The following ZBTB20 variants were observed in gnomAD, a reference collection of about 807,000 sequenced individuals.
The protein encoded by ZBTB20 is zinc finger and BTB domain-containing protein 20.
Under a neutral mutation model 56.9 loss-of-function variants are expected in ZBTB20, and 9 were observed. The ratio of observed to expected loss-of-function variants is 0.16; its 90% CI spans 0.10 to 0.28. ZBTB20 has a LOEUF of 0.28. ZBTB20 is among the 10% of genes least tolerant of loss of function. The probability of loss-of-function intolerance (pLI) is 1.00; values close to 1 mark genes in which losing one functional copy is unlikely to be tolerated. For synonymous variants in ZBTB20, 417 were observed against 420.7 expected, an observed-to-expected ratio of 0.99 and a Z score of 0.11; for missense variants, 655 against 1,003.0, an observed-to-expected ratio of 0.65 and a Z score of 4.69.
Position 114,330,414 on chromosome 3 carries a change from A to C in ZBTB20, c.*8591T>G, listed in dbSNP as rs1167733927. 1 of 152,218 alleles carries C rather than the reference A, an allele frequency of 6.6e-6. No individual in the cohort carries two copies. The highest frequency in any genetic ancestry group is 6.5e-5 in the Admixed American group (1 of 15,284). The allele number at this position is 152,218 out of a possible 1,614,324, so 9.4% of individuals were successfully genotyped here. A position where few individuals can be genotyped will look rare whatever the true frequency, so the allele number is the denominator to read the frequency against. On this transcript the variant is annotated 3_prime_UTR_variant, in exon 12 of 12. Transcript: ENST00000675478. The stretch of plus-strand genomic sequence containing the variant: ...TTTCAATATAGAGTTGTTATATATA[A>C]TGTGTATGTCCTAGGTTTCAGAAAT...
chr3:115,051,863 T>C (rs2081563373), intron 2 of ZBTB20, among the ~76,000 whole-genome samples: 2 of 151,952 alleles, frequency 1.3e-5, no homozygotes, highest in East Asian at 3.9e-4. Context: ...CTCAGAAAAC[T>C]TAAAGGTGAA....
intron 4 of ZBTB20, among the ~76,000 whole-genome samples, chr3:114,887,638 A>AT (rs1454388807): frequency 1.3e-5 from 2 of 152,200 alleles, no homozygotes; most frequent in African/African-American, 4.8e-5. Context: ...CCAGGGAAAG[A>AT]TTTTCACTGT....
chr3:114,720,092 T>C (rs2064809081), intron 5 of ZBTB20, among the ~76,000 whole-genome samples: 1 of 149,350 alleles, frequency 6.7e-6, no homozygotes, highest in South Asian at 2.1e-4. Context: ...ATAATGTATA[T>C]ATGTATATAT....
chr3:114,855,423 T>C (rs2075203739), intron 4 of ZBTB20, among the ~76,000 whole-genome samples: 1 of 152,344 alleles, frequency 6.6e-6, no homozygotes, highest in East Asian at 1.9e-4. Context: ...GTTGAGCTAG[T>C]GTTTTCCTAG....
intron 2 of ZBTB20, among the ~76,000 whole-genome samples, chr3:115,022,737 T>C (rs2108309169): frequency 6.6e-6 from 1 of 151,112 alleles, no homozygotes. Flanking sequence ...AAAAATATTA[T>C]GGAAATGATA....
chr3:114,727,599 G>A (rs1309381350), intron 5 of ZBTB20, among the ~76,000 whole-genome samples: 2 of 152,146 alleles, frequency 1.3e-5, no homozygotes, highest in Non-Finnish European at 2.9e-5. Flanking sequence ...GAAATGCTCT[G>A]AGAGACTATT....
intron 1 of ZBTB20, among the ~76,000 whole-genome samples, chr3:115,145,279 ATTC>A (rs1235040409): frequency 1.3e-5 from 2 of 152,324 alleles, no homozygotes; most frequent in South Asian, 4.1e-4. Context: ...AAAAATACAG[ATTC>A]TTCATTTTAA....
intron 3 of ZBTB20, among the ~76,000 whole-genome samples, chr3:114,932,307 T>C (rs1389768946): frequency 6.6e-6 from 1 of 152,248 alleles, no homozygotes; most frequent in East Asian, 1.9e-4. Context: ...ACTAAGGTGA[T>C]AGCAGTAGCC....
chr3:115,076,783 G>A (rs1169243503), intron 1 of ZBTB20, among the ~76,000 whole-genome samples: 1 of 152,158 alleles, frequency 6.6e-6, no homozygotes, highest in Non-Finnish European at 1.5e-5. Flanking sequence ...TTATATCTCA[G>A]TGATTCCCAA....
chr3:114,473,940 G>T (rs1300973376), intron 7 of ZBTB20, among the ~76,000 whole-genome samples: 1 of 152,214 alleles, frequency 6.6e-6, no homozygotes. Flanking sequence ...AGAAAAAGAG[G>T]TTTAATGGAC....
intron 2 of ZBTB20, among the ~76,000 whole-genome samples, chr3:114,976,580 C>T (rs1467726751): frequency 2.0e-5 from 3 of 151,030 alleles, no homozygotes; most frequent in Non-Finnish European, 4.4e-5. Context: ...GAGCCAAGAT[C>T]GCGCCACTGC....
At chr3:114,773,751 A>T (rs1488029739) in intron 5 of ZBTB20, among the ~76,000 whole-genome samples, 2 of 152,230 alleles carry the variant, frequency 1.3e-5, no homozygotes, top group Non-Finnish European at 2.9e-5. Context: ...AAAGAGAAAG[A>T]AAGTCCAGGC....
At chr3:114,941,429 C>T (rs1344176923) in intron 3 of ZBTB20, among the ~76,000 whole-genome samples, 1 of 146,242 alleles carries the variant, frequency 6.8e-6, no homozygotes, top group Non-Finnish European at 1.5e-5. Flanking sequence ...CAATAGAATT[C>T]ATGATTTGCA....
chr3:114,811,920 G>A (rs1416959333), intron 4 of ZBTB20, among the ~76,000 whole-genome samples: 1 of 152,260 alleles, frequency 6.6e-6, no homozygotes, highest in Non-Finnish European at 1.5e-5. Context: ...GGACCCTCCC[G>A]GTGAGTGTTA....
At chr3:114,704,742 C>T (rs1349404435) in intron 5 of ZBTB20, among the ~76,000 whole-genome samples, 2 of 152,088 alleles carry the variant, frequency 1.3e-5, no homozygotes, top group Admixed American at 1.3e-4. Flanking sequence ...GTCTGAGATA[C>T]TAAGGTGAAC....
intron 7 of ZBTB20, among the ~76,000 whole-genome samples, chr3:114,419,910 T>A (rs982755275): frequency 3.3e-5 from 5 of 152,132 alleles, no homozygotes; most frequent in Admixed American, 2.0e-4. Context: ...TGAGTAGATG[T>A]ACACTTGAGG....
intron 2 of ZBTB20, among the ~76,000 whole-genome samples, chr3:115,014,605 GT>G (rs999276142): frequency 6.6e-6 from 1 of 151,300 alleles, no homozygotes; most frequent in Non-Finnish European, 1.5e-5. Context: ...TTTTTATTGA[GT>G]TTTTTTCTGT....
At chr3:114,505,708 G>C (rs1450040447) in intron 6 of ZBTB20, among the ~76,000 whole-genome samples, 1 of 152,086 alleles carries the variant, frequency 6.6e-6, no homozygotes, top group Non-Finnish European at 1.5e-5. Context: ...ATTCCAAATA[G>C]TAGGATGATG....
intron 6 of ZBTB20, among the ~76,000 whole-genome samples, chr3:114,594,073 C>CAAAGTATA (rs2056079197): frequency 6.6e-6 from 1 of 152,028 alleles, no homozygotes; most frequent in Admixed American, 6.6e-5. Flanking sequence ...GATTAGTAGA[C>CAAAGTATA]AAAGTATATA....
Sources: gnomAD v4.1 joint callset for allele counts (sites outside exome capture counted in the v4.1 genomes callset) on GRCh38, gnomAD v4.1.1 for gene constraint, MANE v1.5 for transcripts, NCBI Gene and HGNC (gene_info 2026-07-23, HGNC 2026-07-21) for gene names.